ACCSL: variants seen among roughly 807,000 people sequenced by gnomAD.
ACCSL encodes 1-aminocyclopropane-1-carboxylate synthase homolog (inactive) like.
In ACCSL, 55 loss-of-function variants were observed where a neutral mutation model predicts 61.7. The observed-to-expected ratio is 0.89, with a 90% confidence interval of 0.72 to 1.12. The LOEUF is 1.12. Ranked by LOEUF, ACCSL falls within the 50% of genes most tolerant of loss-of-function variation. The pLI is 0.00. For synonymous variants in ACCSL, 258 were observed against 264.3 expected (o/e 0.98, Z 0.23); for missense variants, 632 against 698.0 (o/e 0.91, Z 1.07).
At chr11:44,018,751 T>C in the ACCSL span, among the ~76,000 whole-genome samples, 1 of 152,226 alleles carries the variant, frequency 6.6e-6, no homozygotes, top group African/African-American at 2.4e-5. Flanking sequence ...GAGAATCACT[T>C]GAGGCTAGGA....
chr11:44,014,460 A>G, the ACCSL span, among the ~76,000 whole-genome samples: 4 of 150,296 alleles, frequency 2.7e-5, no homozygotes, highest in African/African-American at 9.8e-5. Context: ...CCCGAGAGCA[A>G]TGAGCTGGCA....
At position 44,052,356 on chromosome 11, in the gene ACCSL, C is replaced by A. The variant is rs11037847; in HGVS notation, c.773-306C>A. Reference sequence around the variant, plus strand: ...AATCTGTTGAGACTTTCCTGATAACCATTGCTCCATCTGCTAGTGAGCCTC... The same window carrying A: ...AATCTGTTGAGACTTTCCTGATAACAATTGCTCCATCTGCTAGTGAGCCTC... On this transcript the variant is annotated intron_variant, in intron 5 of 13. Transcript: ENST00000378832. Among the ~76,000 whole-genome samples the A allele has an allele frequency of 5.7e-3, 866 of 152,322 alleles. 8 individuals carry two copies. The highest frequency in any genetic ancestry group is 0.033 in the East Asian group (172 of 5,182).
chr11:44,051,667 T>C lies in ACCSL; in HGVS notation c.720T>C (p.Asn240=), dbSNP rs368483519. The C allele has an allele frequency of 1.2e-4, 186 of 1,614,198 alleles. No homozygotes were observed. In the African/African-American group the frequency reaches 1.9e-3, roughly 17 times the overall value. ...RLDPENVVVL[N]GCCSVFCALA... is the part of the protein sequence containing the mutation. ...GTTGTCTTCAGGTGGTGGTTCTAAA[T>C]GGCTGCTGCTCTGTCTTCTGTGCCC... is the stretch of plus-strand genomic sequence containing the variant. The change falls in exon 5 of 14, where the codon AAT becomes AAC. Residue 240 remains asparagine, a synonymous_variant. Transcript: ENST00000378832.
At chr11:44,036,383 C>T in the ACCSL span, among the ~76,000 whole-genome samples, 6 of 152,338 alleles carry the variant, frequency 3.9e-5, no homozygotes, top group East Asian at 5.8e-4. Context: ...TGAGGAACCT[C>T]GCTGGGCCTC....
chr11:43,933,805 C>T, the ACCSL span, among the ~76,000 whole-genome samples: 1 of 151,754 alleles, frequency 6.6e-6, no homozygotes, highest in South Asian at 2.1e-4. Context: ...CCTCAGAGTC[C>T]CCAAGAGTCT....
the ACCSL span, among the ~76,000 whole-genome samples, chr11:44,035,936 TAAAA>T: frequency 2.0e-4 from 16 of 79,088 alleles, no homozygotes; most frequent in South Asian, 4.3e-4. Flanking sequence ...AGACTCTGTG[TAAAA>T]AAAAAAAAAA....
chr11:43,952,786 G>T, the ACCSL span, among the ~76,000 whole-genome samples: 1 of 152,132 alleles, frequency 6.6e-6, no homozygotes, highest in Non-Finnish European at 1.5e-5. Context: ...GGTTTTGTTT[G>T]CGGCCTGTCC....
intron 5 of ACCSL, 46 bp downstream of exon 5, chr11:44,051,765 C>A: frequency 3.1e-6 from 5 of 1,606,684 alleles, no homozygotes; most frequent in Non-Finnish European, 4.3e-6. Flanking sequence ...ATACTAGCAA[C>A]ACAGGTAGGA....
At chr11:43,948,816 C>G in the ACCSL span, among the ~76,000 whole-genome samples, 1 of 152,198 alleles carries the variant, frequency 6.6e-6, no homozygotes, top group Admixed American at 6.5e-5. Context: ...GGCAGCTCTC[C>G]TGCTACAGGG....
At chr11:43,957,061 A>G in the ACCSL span, among the ~76,000 whole-genome samples, 1 of 152,182 alleles carries the variant, frequency 6.6e-6, no homozygotes, top group Admixed American at 6.5e-5. Context: ...GGAACAATCC[A>G]TCTTGTAAAC....
chr11:44,047,517 A>G (rs149083354), upstream of ACCSL, among the ~76,000 whole-genome samples: 17 of 152,334 alleles, frequency 1.1e-4, no homozygotes, highest in Non-Finnish European at 1.9e-4. Context: ...GCCATAATCA[A>G]GACATAAATA....
the ACCSL span, among the ~76,000 whole-genome samples, chr11:43,991,723 G>T: frequency 3.3e-5 from 5 of 152,260 alleles, no homozygotes; most frequent in South Asian, 1.0e-3. Flanking sequence ...GAACCCAGGA[G>T]GCAAAGGCTG....
the ACCSL span, among the ~76,000 whole-genome samples, chr11:44,016,429 T>C: frequency 6.6e-6 from 1 of 152,166 alleles, no homozygotes; most frequent in African/African-American, 2.4e-5. Context: ...GCAGATATTC[T>C]GGAGATGCTC....
At chr11:43,963,239 T>G in the ACCSL span, among the ~76,000 whole-genome samples, 1 of 152,188 alleles carries the variant, frequency 6.6e-6, no homozygotes, top group Non-Finnish European at 1.5e-5. Flanking sequence ...GCTGGAGGGA[T>G]GGGCTATGGC....
At chr11:44,030,231 A>T in the ACCSL span, among the ~76,000 whole-genome samples, 1 of 151,208 alleles carries the variant, frequency 6.6e-6, no homozygotes. Context: ...GTGATTCCTC[A>T]GGATTCTCTG....
chr11:43,998,439 A>G, the ACCSL span, among the ~76,000 whole-genome samples: 2 of 152,090 alleles, frequency 1.3e-5, no homozygotes, highest in African/African-American at 4.8e-5. Flanking sequence ...GACTGGTTCC[A>G]TAAGGAAAGC....
the ACCSL span, chr11:43,925,217 A>G: frequency 5.5e-6 from 2 of 364,218 alleles, no homozygotes; most frequent in South Asian, 4.0e-5. Flanking sequence ...CCGTGCACAT[A>G]CTGCCCTTTG....
At chr11:43,951,124 GC>G in the ACCSL span, among the ~76,000 whole-genome samples, 622 of 152,330 alleles carry the variant, frequency 4.1e-3, 12 homozygotes, top group East Asian at 0.055. Context: ...GTTGGAAAGA[GC>G]TAGAATATTA....
the ACCSL span, among the ~76,000 whole-genome samples, chr11:43,955,254 T>C: frequency 6.6e-6 from 1 of 152,216 alleles, no homozygotes; most frequent in South Asian, 2.1e-4. Flanking sequence ...AGCGTGGTCA[T>C]GGACTGTCTT....
Sources: gnomAD v4.1 joint callset for allele counts (sites outside exome capture counted in the v4.1 genomes callset) on GRCh38, gnomAD v4.1.1 for gene constraint, MANE v1.5 for transcripts, NCBI Gene and HGNC (gene_info 2026-07-23, HGNC 2026-07-21) for gene names.